Variants in B3GLCT observed in about 807,000 individuals in gnomAD.
B3GLCT encodes beta-1,3-glucosyltransferase.
A neutral mutation model predicts 63.4 loss-of-function variants in B3GLCT; 65 were observed. That is an observed-to-expected ratio of 1.03 (90% CI 0.84 to 1.26). The LOEUF is 1.26. Among genes scored for constraint, B3GLCT ranks in the 50% most tolerant of loss-of-function variants. B3GLCT has a pLI of 0.00. For synonymous variants in B3GLCT, 233 were observed against 219.2 expected, an observed-to-expected ratio of 1.06 and a Z score of -0.55; for missense variants, 577 against 604.8, an observed-to-expected ratio of 0.95 and a Z score of 0.48.
intron 2 of B3GLCT, among the ~76,000 whole-genome samples, chr13:31,219,700 T>G (rs1311753658): frequency 6.6e-6 from 1 of 152,160 alleles, no homozygotes; most frequent in African/African-American, 2.4e-5. Flanking sequence ...GTGTGCCTGT[T>G]TATAGCTTAG....
chr13:31,326,275 CTTTT>C (rs11415456), intron 14 of B3GLCT, among the ~76,000 whole-genome samples: 4 of 75,912 alleles, frequency 5.3e-5, no homozygotes, highest in African/African-American at 1.1e-4. Flanking sequence ...AGGTCTTTCC[CTTTT>C]TTTTTTTTTT....
intron 6 of B3GLCT, among the ~76,000 whole-genome samples, chr13:31,257,775 T>A (rs1467289971): frequency 6.6e-6 from 1 of 152,174 alleles, no homozygotes; most frequent in African/African-American, 2.4e-5. Flanking sequence ...GGTACTTGAT[T>A]CATATTGTAT....
intron 13 of B3GLCT, 87 bp downstream of exon 13, chr13:31,317,772 T>G: frequency 6.6e-7 from 1 of 1,515,814 alleles, no homozygotes; most frequent in Non-Finnish European, 9.1e-7. Flanking sequence ...CTGGGATCTA[T>G]ACTGTACGTG....
At chr13:31,236,819 AT>A (rs1217135830) in intron 4 of B3GLCT, among the ~76,000 whole-genome samples, 2 of 152,142 alleles carry the variant, frequency 1.3e-5, no homozygotes, top group Non-Finnish European at 2.9e-5. Flanking sequence ...TATTCCATGA[AT>A]AGCACTTTAG....
chr13:31,205,324 A>C (rs1868893988), intron 1 of B3GLCT, among the ~76,000 whole-genome samples: 1 of 150,784 alleles, frequency 6.6e-6, no homozygotes, highest in Non-Finnish European at 1.5e-5. Flanking sequence ...TAGGAGGCTG[A>C]GGCAGGCAGA....
Position 31,276,744 on chromosome 13 carries a change from A to C in B3GLCT, c.823A>C (p.Thr275Pro). The C allele has an allele frequency of 6.2e-7, 1 of 1,613,272 alleles. No individual in the cohort carries two copies. The highest frequency in any genetic ancestry group is 8.5e-7 in the Non-Finnish European group (1 of 1,179,350). The stretch of plus-strand genomic sequence containing the variant: ...GAAGGATATTTTTGTTGCAGTAAAA[A>C]CATGCAAGAAATTTCATGGTGACAG... ...KKKDIFVAVK[T>P]CKKFHGDRIP... Residue 275 changes from threonine to proline, a missense_variant, in exon 10 of 15, where the codon ACA becomes CCA. Transcript: ENST00000343307.
At chr13:31,282,691 G>C (rs1873136039) in intron 10 of B3GLCT, among the ~76,000 whole-genome samples, 1 of 150,904 alleles carries the variant, frequency 6.6e-6, no homozygotes, top group Non-Finnish European at 1.5e-5. Context: ...AGGTTATATT[G>C]ACAAGGGGAG....
intron 3 of B3GLCT, among the ~76,000 whole-genome samples, chr13:31,226,532 C>G (rs551299450): frequency 6.6e-6 from 1 of 152,292 alleles, no homozygotes; most frequent in African/African-American, 2.4e-5. Flanking sequence ...GGGAGCTTTG[C>G]TGAGCTGGTA....
chr13:31,309,358 C>T lies in B3GLCT; in HGVS notation c.1065-8208C>T, dbSNP rs76329340. Among the ~76,000 whole-genome samples, 837 of 152,298 alleles carry T rather than the reference C, an allele frequency of 5.5e-3. 11 individuals carry two copies. Among genetic ancestry groups the T allele is most frequent in the African/African-American group, 0.019 (804 of 41,562 alleles). ...TCTTCTCCCCAGCAAACAAGCAGTC[C>T]TCTTCCTGCTGGGTGTCCTCCAATT... On this transcript the variant is annotated intron_variant, in intron 12 of 14. Coordinates refer to ENST00000343307, the MANE Select transcript of B3GLCT (RefSeq NM_194318.4).
intron 8 of B3GLCT, among the ~76,000 whole-genome samples, chr13:31,270,039 A>G (rs1019993434): frequency 6.6e-6 from 1 of 152,178 alleles, no homozygotes; most frequent in Non-Finnish European, 1.5e-5. Context: ...ATTGGTCCCA[A>G]GCAGGCAGCC....
intron 14 of B3GLCT, among the ~76,000 whole-genome samples, chr13:31,325,519 G>A (rs967749995): frequency 6.6e-6 from 1 of 151,854 alleles, no homozygotes; most frequent in Admixed American, 6.6e-5. Context: ...AGAAAAGAAG[G>A]AAAATCATCT....
chr13:31,288,052 G>A (rs904739696), intron 12 of B3GLCT, among the ~76,000 whole-genome samples: 1 of 152,190 alleles, frequency 6.6e-6, no homozygotes, highest in Non-Finnish European at 1.5e-5. Context: ...TCTCCAAAGA[G>A]AAGGAGCACA....
At chr13:31,250,296 C>T (rs1054118779) in intron 6 of B3GLCT, among the ~76,000 whole-genome samples, 3 of 152,162 alleles carry the variant, frequency 2.0e-5, no homozygotes, top group African/African-American at 7.2e-5. Flanking sequence ...GCCTCAGCCT[C>T]CCAAGTAGCT....
intron 1 of B3GLCT, among the ~76,000 whole-genome samples, chr13:31,203,200 A>C (rs553352853): frequency 2.0e-5 from 3 of 152,208 alleles, no homozygotes; most frequent in African/African-American, 7.2e-5. Context: ...TAGGACACCA[A>C]GAGTCAGACC....
intron 12 of B3GLCT, among the ~76,000 whole-genome samples, chr13:31,300,378 T>C (rs1593307554): frequency 6.6e-6 from 1 of 152,330 alleles, no homozygotes; most frequent in South Asian, 2.1e-4. Flanking sequence ...CCCGATGTGT[T>C]CTTCCTGCCT....
chr13:31,229,819 TTG>T (rs925464220), intron 4 of B3GLCT, among the ~76,000 whole-genome samples: 14 of 129,796 alleles, frequency 1.1e-4, no homozygotes, highest in African/African-American at 3.6e-4. Flanking sequence ...GAATTTTTTT[TTG>T]TGTGTGTGTA....
In B3GLCT at chr13:31,286,787, G is replaced by A. The variant is rs1231468164; in HGVS notation, c.1032G>A (p.Trp344Ter). The A allele has an allele frequency of 6.2e-7, 1 of 1,612,958 alleles. No individual in the cohort carries two copies. The highest frequency in any genetic ancestry group is 8.5e-7 in the Non-Finnish European group (1 of 1,179,132). ...FLNRSQDKTA[W>*]LVIVDDDTLI... ...ATCGTAGCCAGGACAAAACAGCATG[G>A]TTAGTCATTGTGGATGATGATACAT... The change falls in exon 12 of 15, where the codon TGG (tryptophan) becomes TGA (stop). Residue 344 changes from tryptophan (W) to a stop codon, truncating the protein, a stop_gained. Coordinates refer to ENST00000343307, the MANE Select transcript of B3GLCT (RefSeq NM_194318.4). LOFTEE classifies it high-confidence loss of function.
At chr13:31,275,660 C>T (rs1488934113) in intron 9 of B3GLCT, among the ~76,000 whole-genome samples, 2 of 152,142 alleles carry the variant, frequency 1.3e-5, no homozygotes, top group Non-Finnish European at 2.9e-5. Context: ...GACCCTGACA[C>T]TCACAAGGTT....
intron 1 of B3GLCT, among the ~76,000 whole-genome samples, chr13:31,204,467 C>G (rs564610540): frequency 6.6e-6 from 1 of 151,990 alleles, no homozygotes; most frequent in Admixed American, 6.6e-5. Context: ...AGCTCAGACC[C>G]GAAAGGGAAG....
Sources: allele counts gnomAD v4.1 joint callset (sites outside exome capture counted in the v4.1 genomes callset), GRCh38; gene constraint gnomAD v4.1.1; transcripts MANE v1.5; gene names NCBI Gene and HGNC (gene_info 2026-07-23, HGNC 2026-07-21).